Variants in CDK13 observed in about 807,000 individuals in gnomAD.
CDK13 encodes cyclin-dependent kinase 13.
In CDK13, 40 loss-of-function variants were observed where a neutral mutation model predicts 137.6. That is an observed-to-expected ratio of 0.29 (90% CI 0.23 to 0.38). The LOEUF (loss-of-function observed/expected upper bound fraction) is 0.38. CDK13 is among the 10% of genes least tolerant of loss of function. The pLI is 1.00. For missense variants in CDK13, 1,704 were observed against 1,951.8 expected, an observed-to-expected ratio of 0.87 and a Z score of 2.39; for synonymous variants, 869 against 760.1, an observed-to-expected ratio of 1.14 and a Z score of -2.36.
At chr7:40,026,475 T>G (rs1453073995) in intron 5 of CDK13, among the ~76,000 whole-genome samples, 1 of 152,238 alleles carries the variant, frequency 6.6e-6, no homozygotes. Flanking sequence ...ATTGCAGCAC[T>G]GCACTCCAGC....
At chr7:39,953,781 AAC>A (rs2116087842) in intron 1 of CDK13, among the ~76,000 whole-genome samples, 1 of 152,294 alleles carries the variant, frequency 6.6e-6, no homozygotes, top group East Asian at 1.9e-4. Context: ...TGTCTTGGCT[AAC>A]ATTGCTGACA....
At position 40,007,331 on chromosome 7, in the gene CDK13, T is replaced by TCG. The variant is rs540397129; in HGVS notation, c.2353+5301_2353+5302insGC. On this transcript the variant is annotated intron_variant, in intron 5 of 13. Coordinates refer to ENST00000181839, the MANE Select transcript of CDK13 (RefSeq NM_003718.5). ...CTCACATGTCACTCCCTGTGTACTCTCTGATTCCCAAACAGTGTTAGGTGC... is the reference window on the plus strand; with the variant it reads ...CTCACATGTCACTCCCTGTGTACTCTCGCTGATTCCCAAACAGTGTTAGGTGC... 2.1e-4 allele frequency among the ~76,000 whole-genome samples: 32 copies of TCG among 152,372 alleles called. 1 individual carries two copies. The Middle Eastern group carries it at 0.01, about 49-fold the overall frequency.
intron 1 of CDK13, among the ~76,000 whole-genome samples, chr7:39,966,587 C>A (rs1489306710): frequency 6.6e-6 from 1 of 152,108 alleles, no homozygotes; most frequent in Admixed American, 6.6e-5. Context: ...GTTTGATTGT[C>A]TGAATGAAGC....
At chr7:40,032,404 A>G (rs1438668534) in intron 5 of CDK13, among the ~76,000 whole-genome samples, 1 of 152,192 alleles carries the variant, frequency 6.6e-6, no homozygotes, top group Non-Finnish European at 1.5e-5. Context: ...AACGCTATCC[A>G]ACATATTAGT....
At chr7:39,993,387 A>G (rs1784504100) in intron 2 of CDK13, among the ~76,000 whole-genome samples, 1 of 152,118 alleles carries the variant, frequency 6.6e-6, no homozygotes, top group South Asian at 2.1e-4. Flanking sequence ...GGAAGCTCCT[A>G]TAAGCTGACT....
chr7:40,035,302 A>G (rs1396745367), intron 5 of CDK13, among the ~76,000 whole-genome samples: 2 of 152,366 alleles, frequency 1.3e-5, no homozygotes, highest in Admixed American at 1.3e-4. Flanking sequence ...TTTGAAAAAC[A>G]TCGCCTTAAA....
intron 5 of CDK13, among the ~76,000 whole-genome samples, chr7:40,028,890 T>G (rs940195551): frequency 2.0e-5 from 3 of 151,858 alleles, no homozygotes; most frequent in Non-Finnish European, 4.4e-5. Flanking sequence ...CTTTTGCCAC[T>G]TTTTGCCAAA....
At chr7:39,978,493 G>T (rs1380399847) in intron 1 of CDK13, among the ~76,000 whole-genome samples, 1 of 152,180 alleles carries the variant, frequency 6.6e-6, no homozygotes, top group African/African-American at 2.4e-5. Context: ...GACAGATAAA[G>T]ATAATATCAG....
intron 5 of CDK13, among the ~76,000 whole-genome samples, chr7:40,042,800 G>A (rs1245113986): frequency 7.0e-6 from 1 of 143,280 alleles, no homozygotes; most frequent in East Asian, 2.0e-4. Flanking sequence ...TTTTTTTTGA[G>A]ACTGGGTCTG....
chr7:40,078,665 A>G lies in CDK13; in HGVS notation c.2898-55A>G, dbSNP rs370493392. 3.8e-4 allele frequency: 446 copies of G among 1,172,134 alleles called. 4 individuals are homozygous for G. The South Asian group carries it at 9.8e-3, about 26-fold the overall frequency. 72.6% of individuals were successfully genotyped at this position (1,172,134 alleles called of 1,614,324 possible). Reference sequence around the variant, plus strand: ...TAAAAATAATTTAAGCTCCTAAAGAAACATAAGCTTGTGTCTAAAGAACAC... The same window carrying G: ...TAAAAATAATTTAAGCTCCTAAAGAGACATAAGCTTGTGTCTAAAGAACAC... On this transcript the variant is annotated intron_variant, in intron 10 of 13. Coordinates refer to ENST00000181839, the MANE Select transcript of CDK13 (RefSeq NM_003718.5).
At chr7:40,038,104 C>T (rs1023906260) in intron 5 of CDK13, among the ~76,000 whole-genome samples, 2 of 152,012 alleles carry the variant, frequency 1.3e-5, no homozygotes, top group East Asian at 1.9e-4. Flanking sequence ...CACTTCCATT[C>T]TTCTTTTTCT....
intron 5 of CDK13, among the ~76,000 whole-genome samples, chr7:40,043,855 TAC>T (rs1785672227): frequency 1.3e-5 from 2 of 149,084 alleles, no homozygotes; most frequent in Non-Finnish European, 1.5e-5. Context: ...AAAAGAAAAA[TAC>T]AGAGTTTTAC....
intron 1 of CDK13, among the ~76,000 whole-genome samples, chr7:39,967,574 C>G (rs1309010102): frequency 6.6e-6 from 1 of 152,050 alleles, no homozygotes; most frequent in East Asian, 1.9e-4. Flanking sequence ...GAGACATCTC[C>G]TAAGCATACT....
chr7:39,964,501 TTCTTCTC>T, intron 1 of CDK13, among the ~76,000 whole-genome samples: 1 of 137,956 alleles, frequency 7.2e-6, no homozygotes, highest in Non-Finnish European at 1.7e-5. Context: ...ATCTATTTGA[TTCTTCTC>T]TCTTTTTTCT....
chr7:40,030,274 T>G (rs73688953), intron 5 of CDK13, among the ~76,000 whole-genome samples: 69,178 of 147,108 alleles, frequency 0.47, 17,921 homozygotes, highest in East Asian at 0.65. Context: ...TATATATATA[T>G]AGAGAGAGAG....
At chr7:39,979,794 A>G (rs1784186317) in intron 1 of CDK13, among the ~76,000 whole-genome samples, 1 of 152,172 alleles carries the variant, frequency 6.6e-6, no homozygotes, top group Non-Finnish European at 1.5e-5. Flanking sequence ...TGTAATCACA[A>G]GGATTTTTAT....
chr7:40,029,175 C>A (rs1292800045), intron 5 of CDK13, among the ~76,000 whole-genome samples: 3 of 151,536 alleles, frequency 2.0e-5, no homozygotes, highest in Admixed American at 6.6e-5. Context: ...ACCTGTAATC[C>A]CAGCACTTTG....
chr7:40,002,131 A>G (rs539931564), intron 5 of CDK13, 100 bp downstream of exon 5: 797 of 700,154 alleles, frequency 1.1e-3, no homozygotes, highest in Non-Finnish European at 1.6e-3. Flanking sequence ...GTAATTACAA[A>G]CTATTGCTCT....
intron 5 of CDK13, among the ~76,000 whole-genome samples, chr7:40,025,469 A>G (rs17171646): frequency 0.087 from 13,297 of 152,188 alleles, 977 homozygotes; most frequent in East Asian, 0.33. Context: ...TTTTTGATCC[A>G]CTTTCACCAT....
Sources: gnomAD v4.1 joint callset for allele counts (sites outside exome capture counted in the v4.1 genomes callset) on GRCh38, gnomAD v4.1.1 for gene constraint, MANE v1.5 for transcripts, NCBI Gene and HGNC (gene_info 2026-07-23, HGNC 2026-07-21) for gene names.